Variants in SLC26A8 observed in about 807,000 individuals in gnomAD.
SLC26A8 encodes solute carrier family 26 member 8, also known as testis anion transporter 1.
SLC26A8 carries 70 observed loss-of-function variants against 105.0 expected under a neutral mutation model. The ratio of observed to expected loss-of-function variants is 0.67; its 90% CI spans 0.55 to 0.81. The LOEUF (loss-of-function observed/expected upper bound fraction) is 0.81. SLC26A8 is among the 40% of genes least tolerant of loss of function. SLC26A8 has a pLI of 0.00. For missense variants in SLC26A8, 998 were observed against 1,181.8 expected, an observed-to-expected ratio of 0.84 and a Z score of 2.28; for synonymous variants, 415 against 438.3, an observed-to-expected ratio of 0.95 and a Z score of 0.66.
intron 11 of SLC26A8, among the ~76,000 whole-genome samples, chr6:35,965,082 C>T (rs188069151): frequency 5.0e-4 from 76 of 151,900 alleles, no homozygotes; most frequent in African/African-American, 1.7e-3. Context: ...AAGTTTCATG[C>T]TATATATTAA....
intron 8 of SLC26A8, among the ~76,000 whole-genome samples, chr6:35,977,669 T>C (rs1331028906): frequency 1.3e-5 from 2 of 152,154 alleles, no homozygotes; most frequent in African/African-American, 4.8e-5. Context: ...GCCATACCAA[T>C]AGGTGAACAA....
intron 9 of SLC26A8, among the ~76,000 whole-genome samples, chr6:35,976,690 G>A (rs1295753293): frequency 2.6e-5 from 4 of 151,112 alleles, no homozygotes; most frequent in African/African-American, 7.3e-5. Flanking sequence ...ACAGGCGCCC[G>A]CCACCATGCC....
intron 19 of SLC26A8, among the ~76,000 whole-genome samples, chr6:35,945,141 T>C (rs9470177): frequency 0.17 from 25,848 of 152,198 alleles, 4,109 homozygotes; most frequent in African/African-American, 0.42. Flanking sequence ...TGAGCCACTG[T>C]GCCCAACCTT....
At position 36,024,555 on chromosome 6, in the gene SLC26A8, T is replaced by C. The variant is rs9368897; in HGVS notation, c.-54A>G. 0.3 allele frequency: 117,930 copies of C among 396,376 alleles called. 19,088 individuals are homozygous for C. The highest frequency in any genetic ancestry group is 0.67 in the East Asian group (8,749 of 13,032). 24.6% of individuals were successfully genotyped at this position (396,376 alleles called of 1,614,324 possible). A position where few individuals can be genotyped will look rare whatever the true frequency, so the allele number is the denominator to read the frequency against. ...CGGGCGCTGGGATCCCACACGGCTC[T>C]CGCCTGGCTGGCGGCGCTGCGGACG... On this transcript the variant is annotated 5_prime_UTR_variant, in exon 1 of 20. Coordinates refer to ENST00000490799, the MANE Select transcript of SLC26A8 (RefSeq NM_052961.4).
rs1482334020 is a variant in SLC26A8 at position 35,977,240 on chromosome 6, A to G, written c.1137T>C (p.Ile379=). The change falls in exon 9 of 20, where the codon ATT becomes ATC. Residue 379 remains isoleucine, a synonymous_variant. Coordinates refer to ENST00000490799, the MANE Select transcript of SLC26A8 (RefSeq NM_052961.4). ...SFLLIFLGKK[I]ASLHNYSVNS... ...TGACACTGTAATTGTGAAGACTGGC[A>G]ATCTTCTTGCCCAGAAATATGAGCA... 1 of 1,613,940 alleles carries G rather than the reference A, an allele frequency of 6.2e-7. No homozygotes were observed. Among genetic ancestry groups the G allele is most frequent in the Admixed American group, 1.7e-5 (1 of 59,990 alleles).
In SLC26A8 at chr6:36,000,069, G is replaced by A; in HGVS notation, c.368C>T (p.Pro123Leu). The change falls in exon 4 of 20, where the codon CCT becomes CTT. Residue 123 changes from proline to leucine, a missense_variant. Transcript: ENST00000490799. ...GAAAGCTGCATAAGCGATGTTGAGAGGAGGAATCAGTTGCCTTGCCAGCAA... is the reference window on the plus strand; with the variant it reads ...GAAAGCTGCATAAGCGATGTTGAGAAGAGGAATCAGTTGCCTTGCCAGCAA... ...LSLLARQLIP[P>L]LNIAYAAFCS... The A allele has an allele frequency of 6.2e-7, 1 of 1,614,060 alleles. No individual in the cohort carries two copies. Among genetic ancestry groups the A allele is most frequent in the Middle Eastern group, 1.6e-4 (1 of 6,062 alleles).
chr6:35,985,093 A>G (rs774858705), intron 7 of SLC26A8, among the ~76,000 whole-genome samples: 17 of 152,314 alleles, frequency 1.1e-4, no homozygotes, highest in South Asian at 4.1e-4. Flanking sequence ...CTTTCAATCA[A>G]TTACCAATCA....
intron 5 of SLC26A8, among the ~76,000 whole-genome samples, 157 bp downstream of exon 5, chr6:35,997,581 G>T (rs1308859343): frequency 6.6e-6 from 1 of 152,140 alleles, no homozygotes; most frequent in Non-Finnish European, 1.5e-5. Context: ...TTGTCACTAA[G>T]GAGACACGCT....
chr6:35,966,919 G>A (rs138533801), intron 11 of SLC26A8, among the ~76,000 whole-genome samples: 131 of 152,206 alleles, frequency 8.6e-4, no homozygotes, highest in African/African-American at 2.7e-3. Flanking sequence ...ATCACTACCC[G>A]TCAGTGAACT....
At chr6:35,970,101 G>A (rs935729907) in intron 10 of SLC26A8, among the ~76,000 whole-genome samples, 2 of 152,134 alleles carry the variant, frequency 1.3e-5, no homozygotes, top group African/African-American at 4.8e-5. Flanking sequence ...GATGGGAATA[G>A]GGGATGGGGC....
chr6:36,002,752 G>A (rs538074992), intron 3 of SLC26A8, among the ~76,000 whole-genome samples: 1 of 151,286 alleles, frequency 6.6e-6, no homozygotes, highest in South Asian at 2.1e-4. Flanking sequence ...TGTCTCCCAG[G>A]CTGGAGTGCA....
chr6:35,987,915 T>TC (rs1773589499), intron 7 of SLC26A8, among the ~76,000 whole-genome samples: 2 of 148,032 alleles, frequency 1.4e-5, no homozygotes, highest in Admixed American at 6.7e-5. Context: ...TTCTTTCTTT[T>TC]TTTTTTTTTT....
intron 7 of SLC26A8, among the ~76,000 whole-genome samples, chr6:35,986,606 C>T (rs1773535241): frequency 6.6e-6 from 1 of 152,156 alleles, no homozygotes; most frequent in African/African-American, 2.4e-5. Flanking sequence ...CAGTACTTTT[C>T]TTTCTGTGCC....
chr6:35,994,879 C>T (rs571230614), intron 5 of SLC26A8, among the ~76,000 whole-genome samples: 1 of 152,276 alleles, frequency 6.6e-6, no homozygotes, highest in East Asian at 1.9e-4. Flanking sequence ...GGCTGGCCTG[C>T]ATCATCTTTC....
intron 16 of SLC26A8, among the ~76,000 whole-genome samples, chr6:35,957,549 G>A (rs780029567): frequency 2.4e-4 from 36 of 151,916 alleles, no homozygotes; most frequent in African/African-American, 1.5e-4. Context: ...GCCAGGGTTG[G>A]CTCAGTGGCA....
intron 3 of SLC26A8, among the ~76,000 whole-genome samples, chr6:36,008,817 G>A (rs1761764777): frequency 6.6e-6 from 1 of 152,176 alleles, no homozygotes; most frequent in African/African-American, 2.4e-5. Context: ...AAACCATAAT[G>A]AGATATCACT....
At chr6:35,962,706 G>T in intron 11 of SLC26A8, 85 bp from the exon 12 acceptor site, 1 of 1,263,614 alleles carries the variant, frequency 7.9e-7, no homozygotes. Context: ...CAAAAAGTTA[G>T]CCTTGCCACT....
In SLC26A8 at chr6:35,959,819, A is replaced by G; in HGVS notation, c.1639-13T>C. The G allele has an allele frequency of 4.4e-6, 7 of 1,595,530 alleles. No individual in the cohort carries two copies. Among genetic ancestry groups the G allele is most frequent in the Non-Finnish European group, 6.0e-6 (7 of 1,168,696 alleles). On this transcript the variant is annotated splice_polypyrimidine_tract_variant and intron_variant, in intron 14 of 19. Coordinates refer to ENST00000490799, the MANE Select transcript of SLC26A8 (RefSeq NM_052961.4). Reference sequence around the variant, plus strand: ...GAATGGTGATGATCTGCAAGACAAAATGTGAAGTTGAGGGAAATTTCTCAG... The same window carrying G: ...GAATGGTGATGATCTGCAAGACAAAGTGTGAAGTTGAGGGAAATTTCTCAG...
At chr6:35,957,033 A>C (rs920957401) in intron 16 of SLC26A8, among the ~76,000 whole-genome samples, 7 of 151,876 alleles carry the variant, frequency 4.6e-5, no homozygotes, top group African/African-American at 1.7e-4. Flanking sequence ...GACCAGCCTG[A>C]CCAACATGGA....
Sources: allele counts gnomAD v4.1 joint callset (sites outside exome capture counted in the v4.1 genomes callset), GRCh38; gene constraint gnomAD v4.1.1; transcripts MANE v1.5; gene names NCBI Gene and HGNC (gene_info 2026-07-23, HGNC 2026-07-21).